The following BLTP1 variants were observed in gnomAD, a reference collection of about 807,000 sequenced individuals.
BLTP1 encodes the protein bridge-like lipid transfer protein family member 1.
chr4:122,158,400 T>G, the BLTP1 span, among the ~76,000 whole-genome samples: 2 of 152,176 alleles, frequency 1.3e-5, no homozygotes. Flanking sequence ...TTAAAAGTCA[T>G]GATTTCTTCT....
the BLTP1 span, chr4:122,281,131 C>T: frequency 1.1e-5 from 2 of 182,990 alleles, no homozygotes; most frequent in Non-Finnish European, 2.1e-5. Context: ...GTACCTGCCA[C>T]TCAAATTGTT....
chr4:122,273,548 C>T, the BLTP1 span: 1 of 476,290 alleles, frequency 2.1e-6, no homozygotes, highest in Non-Finnish European at 2.7e-6. Context: ...TGACCATACT[C>T]ATTTATGGTG....
the BLTP1 span, chr4:122,276,187 A>G: frequency 3.5e-6 from 2 of 571,750 alleles, no homozygotes; most frequent in East Asian, 7.5e-5. Context: ...TAATCAAGGA[A>G]AACACAGGTA....
At chr4:122,169,628 T>C in the BLTP1 span, 7 of 961,272 alleles carry the variant, frequency 7.3e-6, no homozygotes, top group Non-Finnish European at 8.7e-6. Context: ...TTATTGTTGG[T>C]ACATCTCAAT....
chr4:122,152,719 C>T, the BLTP1 span: 2 of 833,416 alleles, frequency 2.4e-6, no homozygotes, highest in Non-Finnish European at 2.9e-6. Flanking sequence ...CCTTCATATT[C>T]CTTTGCCATC....
chr4:122,207,832 TG>T, the BLTP1 span: 5 of 934,280 alleles, frequency 5.4e-6, no homozygotes, highest in Middle Eastern at 1.1e-3. Flanking sequence ...TCTAAGAAAT[TG>T]GTCAATTAAA....
the BLTP1 span, among the ~76,000 whole-genome samples, chr4:122,233,494 T>TA: frequency 6.6e-6 from 1 of 152,160 alleles, no homozygotes; most frequent in Non-Finnish European, 1.5e-5. Context: ...GGAAATGAAG[T>TA]AAAAAAAGTC....
chr4:122,217,806 G>A, the BLTP1 span, among the ~76,000 whole-genome samples: 4,312 of 152,114 alleles, frequency 0.028, 138 homozygotes, highest in African/African-American at 0.08. Context: ...TTTTTTAAAT[G>A]TCTGATAGAA....
the BLTP1 span, among the ~76,000 whole-genome samples, chr4:122,182,292 A>C: frequency 3.9e-3 from 591 of 152,242 alleles, 1 homozygote; most frequent in Middle Eastern, 0.014. Flanking sequence ...TATGAATCTG[A>C]AGTAGTGACT....
chr4:122,227,124 G>T, the BLTP1 span: 5 of 780,926 alleles, frequency 6.4e-6, no homozygotes, highest in African/African-American at 1.9e-5. Context: ...ATACTTGTTG[G>T]GATATGGCTA....
At chr4:122,264,418 T>C in the BLTP1 span, 1 of 1,605,488 alleles carries the variant, frequency 6.2e-7, no homozygotes, top group Non-Finnish European at 8.5e-7. Flanking sequence ...TTCAGCTTGC[T>C]GATGCACAGG....
the BLTP1 span, chr4:122,272,066 A>C: frequency 3.5e-6 from 5 of 1,435,480 alleles, no homozygotes; most frequent in African/African-American, 5.7e-5. Flanking sequence ...CTGGTTGGGA[A>C]TGTGAAGGAA....
At chr4:122,356,090 A>G in the BLTP1 span, 9 of 838,652 alleles carry the variant, frequency 1.1e-5, no homozygotes, top group Non-Finnish European at 1.6e-5. Context: ...ATATCTAATG[A>G]AATTAATTTT....
chr4:122,271,395 GT>G, the BLTP1 span: 1 of 1,613,848 alleles, frequency 6.2e-7, no homozygotes, highest in Non-Finnish European at 8.5e-7. Flanking sequence ...TTTAGCCGCA[GT>G]TCTAGAGGAA....
the BLTP1 span, chr4:122,288,767 A>G: frequency 0.011 from 6,367 of 588,020 alleles, 401 homozygotes; most frequent in African/African-American, 0.12. Context: ...TTAAAAGTAA[A>G]TTTTACTCTA....
chr4:122,250,493 G>C, the BLTP1 span: 1 of 1,613,608 alleles, frequency 6.2e-7, no homozygotes, highest in Non-Finnish European at 8.5e-7. Flanking sequence ...CTATAATACT[G>C]ATGTCTCTGA....
At chr4:122,242,261 A>G in the BLTP1 span, among the ~76,000 whole-genome samples, 3 of 152,188 alleles carry the variant, frequency 2.0e-5, no homozygotes, top group Non-Finnish European at 4.4e-5. Context: ...AAGAAAATGT[A>G]GTATATACAC....
chr4:122,298,852 G>A, the BLTP1 span: 1 of 985,020 alleles, frequency 1.0e-6, no homozygotes, highest in Non-Finnish European at 1.2e-6. Context: ...AAGAAACTGG[G>A]ACTGAAAGAC....
At chr4:122,299,961 T>G in the BLTP1 span, 1 of 978,372 alleles carries the variant, frequency 1.0e-6, no homozygotes, top group African/African-American at 1.7e-5. Context: ...CAAAGACACA[T>G]ATAATCTACA....
Sources: gnomAD v4.1 joint callset for allele counts (sites outside exome capture counted in the v4.1 genomes callset) on GRCh38, gnomAD v4.1.1 for gene constraint, MANE v1.5 for transcripts, NCBI Gene and HGNC (gene_info 2026-07-23, HGNC 2026-07-21) for gene names.